Variants in CA8 observed in about 807,000 individuals in gnomAD.
The protein encoded by CA8 is carbonic anhydrase 8 (inactive), also known as carbonic anhydrase-related protein.
A neutral mutation model predicts 41.4 loss-of-function variants in CA8; 22 were observed. The observed-to-expected ratio is 0.53, with a 90% CI of 0.38 to 0.76. CA8 has a LOEUF of 0.76. Ranked by LOEUF, CA8 falls within the 30% of genes least tolerant of loss-of-function variation. The pLI is 0.00. For missense variants in CA8, 270 were observed against 352.8 expected (o/e 0.77, Z 1.88); for synonymous variants, 121 against 130.6 (o/e 0.93, Z 0.50).
At chr8:60,194,075 G>C (rs958415661) in intron 8 of CA8, among the ~76,000 whole-genome samples, 1 of 152,062 alleles carries the variant, frequency 6.6e-6, no homozygotes, top group Non-Finnish European at 1.5e-5. Context: ...GTTTCCAAAA[G>C]CTCTGTTTTC....
chr8:60,246,872 CCACTTT>C (rs1808257405), intron 3 of CA8, among the ~76,000 whole-genome samples: 1 of 141,536 alleles, frequency 7.1e-6, no homozygotes, highest in African/African-American at 2.7e-5. Flanking sequence ...AAAATAATAA[CCACTTT>C]TTTTTTTTTT....
intron 3 of CA8, among the ~76,000 whole-genome samples, chr8:60,248,317 A>T (rs1808322363): frequency 6.6e-6 from 1 of 152,050 alleles, no homozygotes; most frequent in African/African-American, 2.4e-5. Flanking sequence ...CCGTCACGAA[A>T]TCTTTGCCCA....
chr8:60,198,433 AT>A (rs532531007), intron 8 of CA8, among the ~76,000 whole-genome samples: 102 of 152,336 alleles, frequency 6.7e-4, no homozygotes, highest in African/African-American at 2.3e-3. Context: ...AGTTGGTAAT[AT>A]TATAAAACGC....
chr8:60,268,970 G>A (rs1374361177), intron 2 of CA8, among the ~76,000 whole-genome samples: 1 of 152,202 alleles, frequency 6.6e-6, no homozygotes, highest in African/African-American at 2.4e-5. Flanking sequence ...AGAGGTGGCT[G>A]TCAGCCAGGA....
At chr8:60,259,490 A>G (rs1456296852) in intron 3 of CA8, among the ~76,000 whole-genome samples, 1 of 152,236 alleles carries the variant, frequency 6.6e-6, no homozygotes, top group Non-Finnish European at 1.5e-5. Flanking sequence ...ATACTAACAA[A>G]TATAAAATCA....
Position 60,224,594 on chromosome 8 carries a change from GA to G in CA8, c.577-10del. 8.0e-6 allele frequency: 12 copies of G among 1,493,730 alleles called. No individual in the cohort carries two copies. The highest frequency in any genetic ancestry group is 1.4e-5 in the African/African-American group (1 of 72,424). 92.5% of individuals were successfully genotyped at this position (1,493,730 alleles called of 1,614,324 possible). On this transcript the variant is annotated splice_polypyrimidine_tract_variant and intron_variant, in intron 5 of 8. Transcript: ENST00000317995. ...ATTGTTTTGGACTTCCCCTGAAAAA[GA>G]AAAAAATATTTACCCAATGTTAATG...
intron 3 of CA8, among the ~76,000 whole-genome samples, chr8:60,253,314 T>G (rs866300228): frequency 6.6e-6 from 1 of 152,150 alleles, no homozygotes; most frequent in Admixed American, 6.5e-5. Context: ...ATTCATCAGC[T>G]TCCTTCATAA....
intron 8 of CA8, among the ~76,000 whole-genome samples, chr8:60,195,142 T>A (rs1806245213): frequency 6.6e-6 from 1 of 152,204 alleles, no homozygotes; most frequent in African/African-American, 2.4e-5. Flanking sequence ...TAAGGAAGCT[T>A]ACTCATAAAG....
At chr8:60,220,548 C>A (rs988740949) in intron 7 of CA8, among the ~76,000 whole-genome samples, 12 of 152,176 alleles carry the variant, frequency 7.9e-5, no homozygotes, top group African/African-American at 2.7e-4. Flanking sequence ...CCCTCCTCCT[C>A]CACATCTTGG....
chr8:60,247,646 A>G (rs1047093178), intron 3 of CA8, among the ~76,000 whole-genome samples: 1 of 152,108 alleles, frequency 6.6e-6, no homozygotes, highest in African/African-American at 2.4e-5. Context: ...TTCTTTATCC[A>G]GTCTTTCATT....
At chr8:60,216,706 A>G (rs1807034650) in intron 7 of CA8, among the ~76,000 whole-genome samples, 1 of 152,224 alleles carries the variant, frequency 6.6e-6, no homozygotes. Flanking sequence ...ACTGGCCAGT[A>G]TAGTAGTAAA....
At chr8:60,228,093 TTAAC>T in intron 4 of CA8, among the ~76,000 whole-genome samples, 1 of 152,288 alleles carries the variant, frequency 6.6e-6, no homozygotes, top group East Asian at 1.9e-4. Context: ...TCTCCCAATG[TTAAC>T]TAACTGCAAA....
At chr8:60,229,928 T>C (rs1807582170) in intron 4 of CA8, among the ~76,000 whole-genome samples, 1 of 152,212 alleles carries the variant, frequency 6.6e-6, no homozygotes, top group African/African-American at 2.4e-5. Context: ...CAGAACTCTC[T>C]ACTCCTTTAC....
intron 8 of CA8, among the ~76,000 whole-genome samples, chr8:60,200,511 A>G (rs1040021885): frequency 1.3e-5 from 2 of 152,210 alleles, no homozygotes; most frequent in Admixed American, 1.3e-4. Context: ...ACCTATATAT[A>G]AATGAGATAA....
chr8:60,200,776 C>A (rs1301212797), intron 8 of CA8, among the ~76,000 whole-genome samples: 1 of 152,186 alleles, frequency 6.6e-6, no homozygotes, highest in African/African-American at 2.4e-5. Context: ...TCACTGTGCT[C>A]AGATGTGGAT....
At chr8:60,275,904 AACGCTGG>A (rs1340695429) in intron 2 of CA8, among the ~76,000 whole-genome samples, 2 of 152,234 alleles carry the variant, frequency 1.3e-5, no homozygotes, top group Non-Finnish European at 2.9e-5. Flanking sequence ...TTTCAACTGC[AACGCTGG>A]AAGCTTCAAG....
At chr8:60,237,118 G>A (rs768927627) in intron 3 of CA8, among the ~76,000 whole-genome samples, 7 of 152,164 alleles carry the variant, frequency 4.6e-5, no homozygotes, top group Non-Finnish European at 1.0e-4. Context: ...GAGAGGCAAT[G>A]TGCTCTCATA....
intron 1 of CA8, 125 bp downstream of exon 1, chr8:60,280,923 C>T: frequency 1.4e-6 from 1 of 731,232 alleles, no homozygotes; most frequent in Non-Finnish European, 2.4e-6. Flanking sequence ...GGCAGAGACC[C>T]CCGTGGGAAA....
chr8:60,270,332 C>T (rs151203121), intron 2 of CA8, among the ~76,000 whole-genome samples: 19 of 152,260 alleles, frequency 1.2e-4, no homozygotes, highest in Non-Finnish European at 1.6e-4. Context: ...CAGAGGAAAC[C>T]CCACACCAGT....
Sources: gnomAD v4.1 joint callset for allele counts (sites outside exome capture counted in the v4.1 genomes callset) on GRCh38, gnomAD v4.1.1 for gene constraint, MANE v1.5 for transcripts, NCBI Gene and HGNC (gene_info 2026-07-23, HGNC 2026-07-21) for gene names.